The following PAPPA2 variants were observed in gnomAD, a reference collection of about 807,000 sequenced individuals.
PAPPA2 encodes the protein pappalysin-2.
A neutral mutation model predicts 176.4 loss-of-function variants in PAPPA2; 86 were observed. The ratio of observed to expected loss-of-function variants is 0.49; its 90% CI spans 0.41 to 0.58. PAPPA2 has a LOEUF of 0.58. PAPPA2 is among the 20% of genes least tolerant of loss of function. The pLI, the probability that PAPPA2 is intolerant of heterozygous loss-of-function variation, is 0.00. For synonymous variants in PAPPA2, 809 were observed against 852.2 expected, an observed-to-expected ratio of 0.95 and a Z score of 0.88; for missense variants, 2,073 against 2,256.9, an observed-to-expected ratio of 0.92 and a Z score of 1.65.
At chr1:176,540,996 T>G (rs560230512) in intron 1 of PAPPA2, among the ~76,000 whole-genome samples, 4 of 152,298 alleles carry the variant, frequency 2.6e-5, no homozygotes, top group Admixed American at 2.6e-4. Context: ...AGAACCAGAG[T>G]CAATGATTGG....
At chr1:176,782,919 G>A (rs2102927738) in intron 17 of PAPPA2, among the ~76,000 whole-genome samples, 1 of 152,310 alleles carries the variant, frequency 6.6e-6, no homozygotes, top group East Asian at 1.9e-4. Flanking sequence ...GAAGTATAGA[G>A]ACAATTTTCA....
intron 3 of PAPPA2, among the ~76,000 whole-genome samples, chr1:176,599,682 TG>T (rs956976111): frequency 7.9e-5 from 12 of 151,978 alleles, no homozygotes; most frequent in East Asian, 1.9e-4. Flanking sequence ...CATTTGGAAT[TG>T]TTTTTTTGTG....
chr1:176,598,188 T>C (rs1339457629), intron 3 of PAPPA2, among the ~76,000 whole-genome samples: 1 of 152,200 alleles, frequency 6.6e-6, no homozygotes, highest in African/African-American at 2.4e-5. Flanking sequence ...AGAAAAACAG[T>C]GTCCTGCCTA....
chr1:176,607,001 T>C (rs140235209), intron 3 of PAPPA2, among the ~76,000 whole-genome samples: 1 of 152,338 alleles, frequency 6.6e-6, no homozygotes, highest in East Asian at 1.9e-4. Context: ...GAGCCATAAA[T>C]GATATATGGA....
At position 176,557,193 on chromosome 1, in the gene PAPPA2, G is replaced by A. The variant is rs1186062786; in HGVS notation, c.871G>A (p.Ala291Thr). ...TCCCCGGGAGGCGTTCACAGTGGAA[G>A]CCTGGGTTAAACCGGAGGGAGGACA... ...EIPREAFTVE[A>T]WVKPEGGQNN... is the part of the protein sequence containing the mutation. The change falls in exon 2 of 23, where the codon GCC becomes ACC. Residue 291 changes from alanine (A) to threonine (T), a missense_variant. Coordinates refer to ENST00000367662, the MANE Select transcript of PAPPA2 (RefSeq NM_020318.3). 3 of 1,611,732 alleles carry A rather than the reference G, an allele frequency of 1.9e-6. No homozygotes were observed. The highest frequency in any genetic ancestry group is 2.2e-5 in the East Asian group (1 of 44,774).
Position 176,550,738 on chromosome 1 carries a change from G to A in PAPPA2, c.-916-4669G>A, listed in dbSNP as rs552244594. 6.6e-5 allele frequency among the ~76,000 whole-genome samples: 10 copies of A among 152,208 alleles called. 1 individual carries two copies. The East Asian group carries it at 1.2e-3, about 18-fold the overall frequency. ...GAAAAAAAATGAATATCTGACATACGGAGCACCAAACAGTTCCACAAGAAG... is the reference window on the plus strand; with the variant it reads ...GAAAAAAAATGAATATCTGACATACAGAGCACCAAACAGTTCCACAAGAAG... On this transcript the variant is annotated intron_variant, in intron 1 of 22. Transcript: ENST00000367662.
chr1:176,741,706 G>A (rs984418025), intron 14 of PAPPA2, among the ~76,000 whole-genome samples: 1 of 152,124 alleles, frequency 6.6e-6, no homozygotes, highest in African/African-American at 2.4e-5. Context: ...TGTTAGAAAG[G>A]GAGAAACAGT....
chr1:176,665,405 A>G (rs972103887), intron 3 of PAPPA2, among the ~76,000 whole-genome samples: 1 of 152,126 alleles, frequency 6.6e-6, no homozygotes, highest in Admixed American at 6.6e-5. Flanking sequence ...TCTCTGGGGA[A>G]AAGCTGGCCT....
intron 1 of PAPPA2, among the ~76,000 whole-genome samples, chr1:176,531,400 C>T (rs1649799570): frequency 6.6e-6 from 1 of 152,140 alleles, no homozygotes; most frequent in Non-Finnish European, 1.5e-5. Context: ...GTATAGAATG[C>T]TTATACCATG....
At chr1:176,577,184 G>T (rs1652699948) in intron 2 of PAPPA2, among the ~76,000 whole-genome samples, 1 of 152,140 alleles carries the variant, frequency 6.6e-6, no homozygotes, top group Non-Finnish European at 1.5e-5. Context: ...GGCATCATAT[G>T]CAGGCCACCT....
At chr1:176,781,396 T>C (rs916159029) in intron 17 of PAPPA2, among the ~76,000 whole-genome samples, 10 of 115,726 alleles carry the variant, frequency 8.6e-5, no homozygotes, top group African/African-American at 3.7e-4. Context: ...TTTTTTTTTT[T>C]TTGTCAGGGA....
chr1:176,800,416 T>C (rs1206096303), intron 21 of PAPPA2, among the ~76,000 whole-genome samples: 1 of 152,212 alleles, frequency 6.6e-6, no homozygotes, highest in Non-Finnish European at 1.5e-5. Flanking sequence ...ATTCTGTAAC[T>C]GGGCCTTGTT....
In PAPPA2 at chr1:176,699,121, C is replaced by T; in HGVS notation, c.2768C>T (p.Pro923Leu). The change falls in exon 8 of 23, where the codon CCC (proline) becomes CTC (leucine). Residue 923 changes from proline (P) to leucine (L), a missense_variant. Physicochemically the swap from Pro to Leu is moderately conservative, Grantham distance 98. Coordinates refer to ENST00000367662, the MANE Select transcript of PAPPA2 (RefSeq NM_020318.3). ...CCAGGGCCTCCTGATGTGGATCAGC[C>T]CTGCGAGCCAAGCTTACAGGCCTGG... is the stretch of plus-strand genomic sequence containing the variant. ...EAVGPPDVDQ[P>L]CEPSLQAWSP... 1.2e-6 allele frequency: 2 copies of T among 1,613,606 alleles called. No individual in the cohort carries two copies. Among genetic ancestry groups the T allele is most frequent in the Non-Finnish European group, 1.7e-6 (2 of 1,179,742 alleles).
intron 1 of PAPPA2, among the ~76,000 whole-genome samples, chr1:176,532,809 A>G (rs1434094919): frequency 6.6e-6 from 1 of 151,940 alleles, no homozygotes; most frequent in Non-Finnish European, 1.5e-5. Context: ...CCCTAGATCC[A>G]CCTCTGCCTC....
chr1:176,501,540 A>G (rs1347768677), intron 1 of PAPPA2, among the ~76,000 whole-genome samples: 1 of 152,182 alleles, frequency 6.6e-6, no homozygotes, highest in Non-Finnish European at 1.5e-5. Flanking sequence ...CAAACAAGCT[A>G]GTAATGTACT....
chr1:176,752,095 A>G (rs1663202418), intron 14 of PAPPA2, among the ~76,000 whole-genome samples: 1 of 129,776 alleles, frequency 7.7e-6, no homozygotes, highest in African/African-American at 3.0e-5. Flanking sequence ...CGCAAGAACA[A>G]AAAATCAAAC....
At chr1:176,696,452 G>C (rs566038103) in intron 7 of PAPPA2, among the ~76,000 whole-genome samples, 36 of 152,244 alleles carry the variant, frequency 2.4e-4, no homozygotes, top group African/African-American at 8.2e-4. Flanking sequence ...TTGTGCTTTG[G>C]ATATGATCTG....
At chr1:176,750,338 G>A (rs1322221950) in intron 14 of PAPPA2, among the ~76,000 whole-genome samples, 1 of 152,134 alleles carries the variant, frequency 6.6e-6, no homozygotes, top group African/African-American at 2.4e-5. Flanking sequence ...AGGCGCGGTG[G>A]CTCACACCTG....
At chr1:176,586,977 T>A (rs1573083232) in intron 2 of PAPPA2, among the ~76,000 whole-genome samples, 1 of 152,222 alleles carries the variant, frequency 6.6e-6, no homozygotes, top group Non-Finnish European at 1.5e-5. Flanking sequence ...TTTTTAATAA[T>A]CACCATTCTA....
Sources: gnomAD v4.1 joint callset for allele counts (sites outside exome capture counted in the v4.1 genomes callset) on GRCh38, gnomAD v4.1.1 for gene constraint, MANE v1.5 for transcripts, NCBI Gene and HGNC (gene_info 2026-07-23, HGNC 2026-07-21) for gene names.